Variants in INPP5A observed in about 807,000 individuals in gnomAD.
The protein encoded by INPP5A is inositol polyphosphate-5-phosphatase A, also known as 43 kDa inositol polyphosphate 5-phophatase.
In INPP5A, 14 loss-of-function variants were observed where a neutral mutation model predicts 65.2. The ratio of observed to expected loss-of-function variants is 0.21; its 90% CI spans 0.14 to 0.34. The LOEUF (loss-of-function observed/expected upper bound fraction) is 0.34, where lower values mean the gene tolerates loss of function less well. Among genes scored for constraint, INPP5A ranks in the 10% least tolerant of loss-of-function variants. The probability of loss-of-function intolerance (pLI) is 1.00; values close to 1 mark genes in which losing one functional copy is unlikely to be tolerated. For synonymous variants in INPP5A, 207 were observed against 208.3 expected, an observed-to-expected ratio of 0.99 and a Z score of 0.05; for missense variants, 431 against 545.6, an observed-to-expected ratio of 0.79 and a Z score of 2.09.
intron 2 of INPP5A, among the ~76,000 whole-genome samples, chr10:132,632,311 C>T (rs1314080204): frequency 1.3e-5 from 2 of 152,238 alleles, no homozygotes; most frequent in Non-Finnish European, 2.9e-5. Context: ...GTGTGTGTCC[C>T]TGTCCTCCCG....
intron 2 of INPP5A, among the ~76,000 whole-genome samples, chr10:132,625,106 TCCCTCCCCCCTCC>T (rs2072165171): frequency 1.6e-5 from 1 of 60,878 alleles, no homozygotes; most frequent in African/African-American, 6.5e-5. Context: ...CTTCCCTCTC[TCCCTCCCCCCTCC>T]CCCTCCCTCC....
intron 6 of INPP5A, among the ~76,000 whole-genome samples, chr10:132,701,624 GAC>G (rs1448670448): frequency 6.6e-6 from 1 of 152,270 alleles, no homozygotes; most frequent in African/African-American, 2.4e-5. Context: ...TGCTCTGGAG[GAC>G]AGTGTTGGGT....
rs2070995760 is a variant in INPP5A, at chr10:132,547,676, G to A, written c.75+9505G>A. 6.6e-6 allele frequency among the ~76,000 whole-genome samples: 1 copy of A among 152,126 alleles called. No homozygotes were observed. The highest frequency in any genetic ancestry group is 2.1e-4 in the South Asian group (1 of 4,828). On this transcript the variant is annotated intron_variant, in intron 1 of 15. Transcript: ENST00000368594. This position sits in a 1 kb window ranked among gnomAD's most constrained non-coding sequence, Gnocchi z 5.5. ...AGGCCTTCATGCCTCAGCTTGAGGG[G>A]CTCTTTTTTCAAAGGGTTCCTCCGG... is the stretch of plus-strand genomic sequence containing the variant.
intron 1 of INPP5A, among the ~76,000 whole-genome samples, chr10:132,585,366 G>A (rs1183179494): frequency 6.6e-6 from 1 of 152,376 alleles, no homozygotes; most frequent in East Asian, 1.9e-4. Context: ...GCGAGAGAAA[G>A]CGCGAGTGCG....
intron 1 of INPP5A, among the ~76,000 whole-genome samples, chr10:132,574,924 G>A (rs910777263): frequency 3.3e-5 from 5 of 152,150 alleles, no homozygotes; most frequent in Non-Finnish European, 7.3e-5. Flanking sequence ...GCCTTGGGGC[G>A]TGAGGCAGCT....
intron 4 of INPP5A, among the ~76,000 whole-genome samples, chr10:132,683,679 A>C (rs1331769446): frequency 6.6e-6 from 1 of 152,246 alleles, no homozygotes; most frequent in Non-Finnish European, 1.5e-5. Context: ...AGTAGTCTTT[A>C]TGTGCAACAG....
At chr10:132,687,748 C>T (rs946645174) in intron 4 of INPP5A, among the ~76,000 whole-genome samples, 5 of 152,130 alleles carry the variant, frequency 3.3e-5, no homozygotes, top group African/African-American at 1.2e-4. Flanking sequence ...TGTGCACATG[C>T]AAGCGAGCAC....
At chr10:132,589,453 G>A (rs979258799) in intron 1 of INPP5A, among the ~76,000 whole-genome samples, 1 of 152,246 alleles carries the variant, frequency 6.6e-6, no homozygotes, top group Non-Finnish European at 1.5e-5. Flanking sequence ...CCTCCGGTAG[G>A]GGCCGCGGTC....
At chr10:132,581,081 G>A (rs995582776) in intron 1 of INPP5A, among the ~76,000 whole-genome samples, 2 of 152,070 alleles carry the variant, frequency 1.3e-5, no homozygotes, top group African/African-American at 4.8e-5. Context: ...TTTCCCTCAC[G>A]TAGCTTCGCC....
rs901419367 is a variant in INPP5A, at chr10:132,551,911, C to G, written c.75+13740C>G. Among the ~76,000 whole-genome samples, 2 of 152,242 alleles carry G rather than the reference C, an allele frequency of 1.3e-5. No homozygotes were observed. The highest frequency in any genetic ancestry group is 1.3e-4 in the Admixed American group (2 of 15,288). On this transcript the variant is annotated intron_variant, in intron 1 of 15. Coordinates refer to ENST00000368594, the MANE Select transcript of INPP5A (RefSeq NM_005539.5). This position sits in a 1 kb window ranked among gnomAD's most constrained non-coding sequence, Gnocchi z 5.3. ...GTTTGGAGCTCTGCCTGCCTTGCGG[C>G]CCAACCTGGCAGTACCCCCCACACA...
chr10:132,703,454 A>C (rs1845470096), intron 6 of INPP5A, among the ~76,000 whole-genome samples: 1 of 118,284 alleles, frequency 8.5e-6, no homozygotes, highest in Non-Finnish European at 1.7e-5. Flanking sequence ...CCCCACACAC[A>C]TGCTTCACCC....
chr10:132,711,103 A>G (rs1221276112), intron 8 of INPP5A, among the ~76,000 whole-genome samples: 2 of 152,192 alleles, frequency 1.3e-5, no homozygotes, highest in Non-Finnish European at 2.9e-5. Context: ...TGGGAAAGAT[A>G]AGAAAACGGT....
At chr10:132,725,262 T>A (rs1845965988) in intron 8 of INPP5A, among the ~76,000 whole-genome samples, 2 of 152,236 alleles carry the variant, frequency 1.3e-5, no homozygotes, top group African/African-American at 2.4e-5. Context: ...AATACAGTGG[T>A]GATGGTTCCA....
intron 6 of INPP5A, among the ~76,000 whole-genome samples, chr10:132,702,945 T>C (rs1276764973): frequency 1.3e-5 from 2 of 151,976 alleles, no homozygotes; most frequent in Non-Finnish European, 2.9e-5. Context: ...CTACCGCGAG[T>C]CTGGACGTGG....
chr10:132,760,312 G>T (rs1846709629), intron 11 of INPP5A, among the ~76,000 whole-genome samples: 1 of 152,232 alleles, frequency 6.6e-6, no homozygotes, highest in Admixed American at 6.5e-5. Context: ...AGGGGTGCTG[G>T]TGGTTGCTGG....
At chr10:132,589,138 A>T (rs2071585717) in intron 1 of INPP5A, among the ~76,000 whole-genome samples, 1 of 151,870 alleles carries the variant, frequency 6.6e-6, no homozygotes, top group Non-Finnish European at 1.5e-5. Flanking sequence ...GCTTTTGTGG[A>T]TTGGAATCCA....
chr10:132,682,086 T>G (rs2073055057), intron 4 of INPP5A, among the ~76,000 whole-genome samples: 1 of 151,582 alleles, frequency 6.6e-6, no homozygotes, highest in African/African-American at 2.4e-5. Flanking sequence ...GAGCTGCTGC[T>G]GGACAGGAAC....
chr10:132,714,285 G>A (rs1251451710), intron 8 of INPP5A, among the ~76,000 whole-genome samples: 2 of 152,204 alleles, frequency 1.3e-5, no homozygotes, highest in Non-Finnish European at 2.9e-5. Flanking sequence ...GGCGTGGGGC[G>A]GGCCGCGCAA....
At chr10:132,778,957 G>T (rs1030348810) in intron 13 of INPP5A, among the ~76,000 whole-genome samples, 4 of 152,264 alleles carry the variant, frequency 2.6e-5, no homozygotes, top group Non-Finnish European at 5.9e-5. Flanking sequence ...TGTCTGCCGG[G>T]CCGGGTTCCT....
Sources: gnomAD v4.1 joint callset for allele counts (sites outside exome capture counted in the v4.1 genomes callset) on GRCh38, gnomAD v4.1.1 for gene constraint, Gnocchi (gnomAD v3.1) non-coding constraint, MANE v1.5 for transcripts, NCBI Gene and HGNC (gene_info 2026-07-23, HGNC 2026-07-21) for gene names.